The following GIPC2 variants were observed in gnomAD, a reference collection of about 807,000 sequenced individuals.
GIPC2 encodes the protein PDZ domain-containing protein GIPC2.
GIPC2 carries 30 observed loss-of-function variants against 30.6 expected under a neutral mutation model. That is an observed-to-expected ratio of 0.98 (90% CI 0.73 to 1.33). The LOEUF (loss-of-function observed/expected upper bound fraction) is 1.33. Ranked by LOEUF, GIPC2 falls within the 40% of genes most tolerant of loss-of-function variation. GIPC2 has a pLI of 0.00. For missense variants in GIPC2, 414 were observed against 390.3 expected, an observed-to-expected ratio of 1.06 and a Z score of -0.51; for synonymous variants, 167 against 150.0, an observed-to-expected ratio of 1.11 and a Z score of -0.83.
At chr1:78,086,608 T>C (rs1413421262) in intron 2 of GIPC2, among the ~76,000 whole-genome samples, 1 of 152,192 alleles carries the variant, frequency 6.6e-6, no homozygotes, top group Non-Finnish European at 1.5e-5. Context: ...TGGGTACTCC[T>C]GTGTTGGGTG....
intron 3 of GIPC2, among the ~76,000 whole-genome samples, chr1:78,113,796 G>C (rs1266728271): frequency 6.6e-6 from 1 of 152,124 alleles, no homozygotes; most frequent in East Asian, 1.9e-4. Flanking sequence ...TGAGATTACA[G>C]GTGTGAGCCA....
At chr1:78,112,548 C>T (rs780623554) in intron 3 of GIPC2, 27 of 518,884 alleles carry the variant, frequency 5.2e-5, no homozygotes, top group Non-Finnish European at 1.0e-4. Context: ...CCAACCAGGG[C>T]TCTCATGGGA....
chr1:78,095,283 A>G lies in GIPC2; in HGVS notation c.607+151A>G. 3 of 564,012 alleles carry G rather than the reference A, an allele frequency of 5.3e-6. 1 individual carries two copies. The highest frequency in any genetic ancestry group is 3.7e-4 in the Middle Eastern group (1 of 2,724). 34.9% of individuals were successfully genotyped at this position (564,012 alleles called of 1,614,324 possible). A position where few individuals can be genotyped will look rare whatever the true frequency, so the allele number is the denominator to read the frequency against. On this transcript the variant is annotated intron_variant, in intron 3 of 5. Transcript: ENST00000370759. ...TAAAAACATAGAAAATGGTAGCACT[A>G]CTTATAAGAAAGACAACTATTGAAG...
At chr1:78,051,564 A>G (rs1661197992) in intron 1 of GIPC2, among the ~76,000 whole-genome samples, 1 of 151,518 alleles carries the variant, frequency 6.6e-6, no homozygotes, top group African/African-American at 2.4e-5. Context: ...CAGTGGTGTG[A>G]TCTCGGCTCA....
At chr1:78,068,297 C>T (rs1661558726) in intron 1 of GIPC2, among the ~76,000 whole-genome samples, 1 of 152,196 alleles carries the variant, frequency 6.6e-6, no homozygotes. Context: ...CATTAAGTCT[C>T]CTAGAATCTT....
At chr1:78,067,311 A>G (rs1358703644) in intron 1 of GIPC2, among the ~76,000 whole-genome samples, 2 of 152,152 alleles carry the variant, frequency 1.3e-5, no homozygotes, top group Non-Finnish European at 2.9e-5. Context: ...GAATTACCTT[A>G]TAGGTCTGTT....
At chr1:78,059,809 A>C (rs1164684567) in intron 1 of GIPC2, among the ~76,000 whole-genome samples, 1 of 152,180 alleles carries the variant, frequency 6.6e-6, no homozygotes, top group Non-Finnish European at 1.5e-5. Context: ...AAATAAATAA[A>C]GTCATTTAGA....
At chr1:78,080,958 C>A (rs982788639) in intron 2 of GIPC2, 98 bp downstream of exon 2, 1 of 592,704 alleles carries the variant, frequency 1.7e-6, no homozygotes, top group Non-Finnish European at 2.8e-6. Context: ...AGAGTGAGAG[C>A]CCGCTCAGCA....
At chr1:78,105,478 G>A (rs1174108358) in intron 3 of GIPC2, among the ~76,000 whole-genome samples, 2 of 151,930 alleles carry the variant, frequency 1.3e-5, no homozygotes, top group Admixed American at 1.3e-4. Context: ...AGTAGAGACG[G>A]GGTTTCACCA....
chr1:78,060,001 A>AT (rs903495929), intron 1 of GIPC2, among the ~76,000 whole-genome samples: 2 of 152,140 alleles, frequency 1.3e-5, no homozygotes, highest in African/African-American at 4.8e-5. Flanking sequence ...TGACATAAGA[A>AT]TTTTTTTAGA....
chr1:78,117,445 G>A (rs1662589938), intron 3 of GIPC2, among the ~76,000 whole-genome samples: 2 of 152,256 alleles, frequency 1.3e-5, no homozygotes, highest in South Asian at 4.1e-4. Flanking sequence ...AATGGTTTTG[G>A]GATAAAACTG....
intron 3 of GIPC2, among the ~76,000 whole-genome samples, chr1:78,099,008 G>GA (rs1014177862): frequency 6.6e-6 from 1 of 151,988 alleles, no homozygotes; most frequent in African/African-American, 2.4e-5. Context: ...AGGATAATAG[G>GA]AAAAAAATTA....
At chr1:78,128,332 C>T (rs1246417782) in intron 5 of GIPC2, among the ~76,000 whole-genome samples, 1 of 152,204 alleles carries the variant, frequency 6.6e-6, no homozygotes, top group African/African-American at 2.4e-5. Context: ...TAAGCCCAGC[C>T]TCAGTCTCCT....
At chr1:78,057,414 C>T (rs1022230290) in intron 1 of GIPC2, among the ~76,000 whole-genome samples, 1 of 152,120 alleles carries the variant, frequency 6.6e-6, no homozygotes, top group African/African-American at 2.4e-5. Flanking sequence ...CATAATTGTA[C>T]ATATTTATGG....
intron 3 of GIPC2, among the ~76,000 whole-genome samples, chr1:78,100,602 A>G (rs1419836421): frequency 6.6e-6 from 1 of 152,158 alleles, no homozygotes; most frequent in African/African-American, 2.4e-5. Context: ...TTTGGACTAA[A>G]TGAATTTGAA....
chr1:78,054,570 T>C lies in GIPC2; in HGVS notation c.240+8236T>C, dbSNP rs546901786. On this transcript the variant is annotated intron_variant, in intron 1 of 5. Coordinates refer to ENST00000370759, the MANE Select transcript of GIPC2 (RefSeq NM_017655.6). ...CTCTGTATTTTCTTTCTAAATAATATTCAGTTTAAATGGAATATAATGGTA... is the reference window on the plus strand; with the variant it reads ...CTCTGTATTTTCTTTCTAAATAATACTCAGTTTAAATGGAATATAATGGTA... 2.0e-5 allele frequency among the ~76,000 whole-genome samples: 3 copies of C among 152,346 alleles called. No homozygotes were observed. The South Asian group carries it at 6.2e-4, about 32-fold the overall frequency.
chr1:78,102,108 G>A (rs1662259955), intron 3 of GIPC2, among the ~76,000 whole-genome samples: 1 of 152,202 alleles, frequency 6.6e-6, no homozygotes, highest in African/African-American at 2.4e-5. Context: ...TCAAAAGCAG[G>A]AAGAAAATTG....
At chr1:78,071,551 C>T (rs1306238208) in intron 1 of GIPC2, among the ~76,000 whole-genome samples, 1 of 149,964 alleles carries the variant, frequency 6.7e-6, no homozygotes, top group Non-Finnish European at 1.5e-5. Flanking sequence ...TCTCCTTCTT[C>T]TTCTTCTTTT....
intron 2 of GIPC2, among the ~76,000 whole-genome samples, chr1:78,083,730 G>T (rs1025505283): frequency 1.3e-5 from 2 of 152,090 alleles, no homozygotes; most frequent in East Asian, 1.9e-4. Flanking sequence ...TTACTGAATG[G>T]TTTATAGTCT....
Sources: gnomAD v4.1 joint callset for allele counts (sites outside exome capture counted in the v4.1 genomes callset) on GRCh38, gnomAD v4.1.1 for gene constraint, MANE v1.5 for transcripts, NCBI Gene and HGNC (gene_info 2026-07-23, HGNC 2026-07-21) for gene names.